GDA: variants seen among roughly 807,000 people sequenced by gnomAD.
GDA encodes cytoplasmic PSD-95 interactor.
GDA carries 18 observed loss-of-function variants against 59.6 expected under a neutral mutation model. That is an observed-to-expected ratio of 0.30 (90% CI 0.21 to 0.45). GDA has a LOEUF of 0.45. Among genes scored for constraint, GDA ranks in the 20% least tolerant of loss-of-function variants. The pLI is 1.00. For missense variants in GDA, 427 were observed against 552.3 expected (o/e 0.77, Z 2.27); for synonymous variants, 201 against 201.1 (o/e 1.00, Z 0.00).
chr9:72,117,811 T>C (rs1436936974), intron 1 of GDA, among the ~76,000 whole-genome samples: 1 of 152,092 alleles, frequency 6.6e-6, no homozygotes, highest in Non-Finnish European at 1.5e-5. Flanking sequence ...GAGGGATAGC[T>C]AATGGAACAA....
intron 1 of GDA, among the ~76,000 whole-genome samples, chr9:72,187,900 T>G (rs1443810647): frequency 6.6e-6 from 1 of 152,240 alleles, no homozygotes; most frequent in Non-Finnish European, 1.5e-5. Context: ...ATCCTTGTTA[T>G]AAAGTAGCAA....
chr9:72,231,066 A>G lies in GDA; in HGVS notation c.921-48A>G, dbSNP rs749999963. ...TCATTGTTATTAGTGTTCATCTTTTATTGGAACCACATGGATCTCCTTGTT... is the reference window on the plus strand; with the variant it reads ...TCATTGTTATTAGTGTTCATCTTTTGTTGGAACCACATGGATCTCCTTGTT... On this transcript the variant is annotated intron_variant, in intron 9 of 13. Coordinates refer to ENST00000358399, the MANE Select transcript of GDA (RefSeq NM_004293.5). 2.2e-5 allele frequency: 23 copies of G among 1,064,674 alleles called. No homozygotes were observed. In the South Asian group the frequency reaches 2.9e-4, roughly 13 times the overall value. The allele number at this position is 1,064,674 out of a possible 1,614,324, so 66.0% of individuals were successfully genotyped here. A position where few individuals can be genotyped will look rare whatever the true frequency, so the allele number is the denominator to read the frequency against.
At chr9:72,174,257 G>C (rs980035911) in intron 1 of GDA, among the ~76,000 whole-genome samples, 8 of 152,298 alleles carry the variant, frequency 5.3e-5, no homozygotes, top group Admixed American at 3.3e-4. Flanking sequence ...CACCCTTGGG[G>C]ATTTTGCTGT....
chr9:72,116,187 T>G (rs1825434487), intron 1 of GDA, among the ~76,000 whole-genome samples: 1 of 151,534 alleles, frequency 6.6e-6, no homozygotes, highest in Non-Finnish European at 1.5e-5. Context: ...TGAGCCGAGA[T>G]CATGCCATTG....
chr9:72,225,822 G>T, intron 8 of GDA, 38 bp downstream of exon 8: 2 of 735,624 alleles, frequency 2.7e-6, no homozygotes, highest in Non-Finnish European at 4.6e-6. Flanking sequence ...TTTAAAGGAG[G>T]GCATATTTAT....
chr9:72,178,023 T>C (rs1275783513), intron 1 of GDA, among the ~76,000 whole-genome samples: 1 of 152,194 alleles, frequency 6.6e-6, no homozygotes, highest in Non-Finnish European at 1.5e-5. Context: ...ACTCTCTTCA[T>C]TATCCATTCT....
downstream of GDA, among the ~76,000 whole-genome samples, chr9:72,258,961 A>G (rs1225893132): frequency 2.0e-5 from 3 of 152,216 alleles, no homozygotes; most frequent in South Asian, 2.1e-4. Context: ...AGAGCTCATG[A>G]ATGATCTCCT....
chr9:72,170,571 C>T (rs1408837974), intron 1 of GDA, among the ~76,000 whole-genome samples: 4 of 152,154 alleles, frequency 2.6e-5, no homozygotes, highest in Admixed American at 6.5e-5. Flanking sequence ...CTCCCTCATT[C>T]GTAAAATGGA....
intron 1 of GDA, among the ~76,000 whole-genome samples, chr9:72,164,104 G>A (rs1275191494): frequency 6.6e-6 from 1 of 152,160 alleles, no homozygotes; most frequent in Non-Finnish European, 1.5e-5. Context: ...ACATCTACAT[G>A]GAGATTTGAA....
intron 6 of GDA, among the ~76,000 whole-genome samples, chr9:72,221,130 C>A (rs955781702): frequency 6.6e-6 from 1 of 152,212 alleles, no homozygotes; most frequent in Non-Finnish European, 1.5e-5. Flanking sequence ...TGGCCACTCA[C>A]CTCAGGTGCC....
intron 5 of GDA, among the ~76,000 whole-genome samples, chr9:72,217,064 C>T (rs535592207): frequency 5.3e-5 from 8 of 152,208 alleles, no homozygotes; most frequent in South Asian, 4.2e-4. Context: ...GGTTGTAAAA[C>T]GCAATAAATC....
In GDA at chr9:72,249,143, T is replaced by C; in HGVS notation, c.*801T>C. ...GTACTTTAAAATCAACTTATAACTG[T>C]GAGATGTTATTGCTTCCATTTTATT... On this transcript the variant is annotated 3_prime_UTR_variant, in exon 14 of 14. Coordinates refer to ENST00000358399, the MANE Select transcript of GDA (RefSeq NM_004293.5). The C allele has an allele frequency of 1.0e-6, 1 of 963,842 alleles. No homozygotes were observed. Among genetic ancestry groups the C allele is most frequent in the Non-Finnish European group, 1.2e-6 (1 of 810,016 alleles). 59.7% of individuals were successfully genotyped at this position (963,842 alleles called of 1,614,324 possible).
intron 1 of GDA, among the ~76,000 whole-genome samples, chr9:72,123,185 CTTTTTTT>C (rs530381322): frequency 7.9e-6 from 1 of 126,166 alleles, no homozygotes; most frequent in African/African-American, 2.9e-5. Flanking sequence ...TTTTTCTTCC[CTTTTTTT>C]TTTTTTTTTG....
intron 1 of GDA, among the ~76,000 whole-genome samples, chr9:72,188,147 G>A (rs1265982951): frequency 2.0e-5 from 3 of 152,190 alleles, no homozygotes; most frequent in Admixed American, 6.5e-5. Flanking sequence ...GCCTGGCCAT[G>A]TAAACAACAA....
intron 12 of GDA, among the ~76,000 whole-genome samples, chr9:72,246,758 G>A (rs1212727951): frequency 2.0e-5 from 3 of 152,124 alleles, no homozygotes; most frequent in Non-Finnish European, 2.9e-5. Flanking sequence ...ACCTTCCTGT[G>A]TTTGATTTGA....
Position 72,207,389 on chromosome 9 carries a change from A to G in GDA, c.385-3298A>G, listed in dbSNP as rs764866348. On this transcript the variant is annotated intron_variant, in intron 3 of 13. Coordinates refer to ENST00000358399, the MANE Select transcript of GDA (RefSeq NM_004293.5). ...AGGAAATGGTATGGGCCAGTTTTGT[A>G]AATCATTAACTCACTCTTACTATTT... Among the ~76,000 whole-genome samples, 148 of 152,346 alleles carry G rather than the reference A, an allele frequency of 9.7e-4. 1 individual carries two copies. Among genetic ancestry groups the G allele is most frequent in the Non-Finnish European group, 5.6e-4 (38 of 68,030 alleles).
upstream of GDA, among the ~76,000 whole-genome samples, chr9:72,147,896 C>G (rs1200414638): frequency 6.6e-6 from 1 of 152,134 alleles, no homozygotes; most frequent in East Asian, 1.9e-4. Flanking sequence ...TGCAGAGATT[C>G]CTAATTCTGG....
At chr9:72,188,992 T>C (rs1277528596) in intron 1 of GDA, among the ~76,000 whole-genome samples, 1 of 152,064 alleles carries the variant, frequency 6.6e-6, no homozygotes, top group African/African-American at 2.4e-5. Flanking sequence ...TACTCTTCTC[T>C]TTTTGCCTAT....
downstream of GDA, among the ~76,000 whole-genome samples, chr9:72,254,845 A>G (rs1840849608): frequency 6.6e-6 from 1 of 152,160 alleles, no homozygotes; most frequent in Admixed American, 6.5e-5. Context: ...GAGACTTCAA[A>G]TGGCCTTGGT....
Sources: gnomAD v4.1 joint callset for allele counts (sites outside exome capture counted in the v4.1 genomes callset) on GRCh38, gnomAD v4.1.1 for gene constraint, MANE v1.5 for transcripts, NCBI Gene and HGNC (gene_info 2026-07-23, HGNC 2026-07-21) for gene names.